The following ZNF331 variants were observed in gnomAD, a reference collection of about 807,000 sequenced individuals.
ZNF331 encodes the protein zinc finger protein 331.
In ZNF331, 2 loss-of-function variants were observed where a neutral mutation model predicts 7.0. That is an observed-to-expected ratio of 0.29 (90% CI 0.12 to 0.90). ZNF331 has a LOEUF of 0.90. ZNF331 is among the 40% of genes least tolerant of loss of function. The pLI, the probability that ZNF331 is intolerant of heterozygous loss-of-function variation, is 0.58. For synonymous variants in ZNF331, 196 were observed against 205.4 expected, an observed-to-expected ratio of 0.95 and a Z score of 0.39; for missense variants, 432 against 587.7, an observed-to-expected ratio of 0.74 and a Z score of 2.74.
At chr19:53,509,779 C>T in the ZNF331 span, among the ~76,000 whole-genome samples, 3 of 152,064 alleles carry the variant, frequency 2.0e-5, no homozygotes, top group Non-Finnish European at 2.9e-5. Context: ...TCTGTTTTCC[C>T]CTAGCTACAA....
At chr19:53,570,050 G>T (rs2090361385) in intron 4 of ZNF331, among the ~76,000 whole-genome samples, 1 of 152,116 alleles carries the variant, frequency 6.6e-6, no homozygotes, top group African/African-American at 2.4e-5. Context: ...GTGGTCAGGA[G>T]TTCAAAACCA....
the ZNF331 span, among the ~76,000 whole-genome samples, chr19:53,504,956 T>C: frequency 6.6e-6 from 1 of 152,148 alleles, no homozygotes; most frequent in Non-Finnish European, 1.5e-5. Context: ...AATGGGGCTG[T>C]TGTGTGAGAG....
intron 3 of ZNF331, among the ~76,000 whole-genome samples, chr19:53,564,215 C>A (rs962134063): frequency 4.0e-5 from 6 of 151,678 alleles, no homozygotes; most frequent in Non-Finnish European, 8.8e-5. Flanking sequence ...GCCAGTTCAT[C>A]CAAGCCTGTG....
At chr19:53,566,039 A>G (rs2090138041) in intron 3 of ZNF331, among the ~76,000 whole-genome samples, 1 of 152,074 alleles carries the variant, frequency 6.6e-6, no homozygotes, top group African/African-American at 2.4e-5. Flanking sequence ...GTTTCTCTAG[A>G]TGGACTCAAC....
chr19:53,544,390 A>AG (rs1409350401), intron 2 of ZNF331, among the ~76,000 whole-genome samples: 1 of 138,834 alleles, frequency 7.2e-6, no homozygotes, highest in Non-Finnish European at 1.6e-5. Flanking sequence ...CTAAAAATAC[A>AG]AAAAATTAGC....
chr19:53,527,664 G>A (rs2708760), intron 2 of ZNF331, among the ~76,000 whole-genome samples: 52,303 of 151,886 alleles, frequency 0.34, 9,706 homozygotes, highest in African/African-American at 0.49. Flanking sequence ...TGATCATGTA[G>A]ATGAGTTAAA....
At position 53,560,846 on chromosome 19, in the gene ZNF331, T is replaced by G. The variant is rs2089842133; in HGVS notation, c.-74+4938T>G. ...TTGCTTCTATAACTCAAGAGAATCT[T>G]CCGTATGTTAGAGGCAGCCGATTAG... On this transcript the variant is annotated intron_variant, in intron 3 of 5. Transcript: ENST00000449416. This position sits in a 1 kb window ranked among gnomAD's most constrained non-coding sequence, Gnocchi z 4.3. Among the ~76,000 whole-genome samples the G allele has an allele frequency of 6.6e-6, 1 of 152,176 alleles. No individual in the cohort carries two copies.
In ZNF331 at chr19:53,571,711, C is replaced by T. The variant is rs1163811254; in HGVS notation, c.117C>T (p.Tyr39=). 3 of 1,613,180 alleles carry T rather than the reference C, an allele frequency of 1.9e-6. No homozygotes were observed. Among genetic ancestry groups the T allele is most frequent in the Non-Finnish European group, 2.5e-6 (3 of 1,179,596 alleles). ...ACTGGGACGTGATGCTGGAGAACTA[C>T]AGTAACTTGGTCTCACTGGGTGAGT... ...DLYWDVMLEN[Y]SNLVSLDLES... is the part of the protein sequence containing the mutation. Residue 39 remains tyrosine (Y), a synonymous_variant, in exon 5 of 6, where the codon TAC becomes TAT. Transcript: ENST00000449416. This position sits in a 1 kb window ranked among gnomAD's most constrained non-coding sequence, Gnocchi z 4.7.
chr19:53,538,634 C>T (rs1298975420), intron 1 of ZNF331: 2 of 153,478 alleles, frequency 1.3e-5, no homozygotes, highest in Non-Finnish European at 2.9e-5. Context: ...AGATGTGTCT[C>T]AGGACAGAGT....
upstream of ZNF331, among the ~76,000 whole-genome samples, chr19:53,515,159 A>G (rs377045506): frequency 3.9e-5 from 6 of 152,248 alleles, no homozygotes; most frequent in African/African-American, 1.4e-4. Flanking sequence ...TTCTGATTAC[A>G]CTAGAAATTT....
chr19:53,531,930 A>T (rs1209316536), intron 2 of ZNF331, among the ~76,000 whole-genome samples: 1 of 151,888 alleles, frequency 6.6e-6, no homozygotes, highest in African/African-American at 2.4e-5. Flanking sequence ...CTTTTTATTT[A>T]TTTATTCGGA....
intron 3 of ZNF331, among the ~76,000 whole-genome samples, chr19:53,559,459 TAC>T (rs2089685331): frequency 6.7e-6 from 1 of 148,776 alleles, no homozygotes; most frequent in Non-Finnish European, 1.5e-5. Flanking sequence ...CACACATATA[TAC>T]ACACCATACA....
chr19:53,536,816 C>T (rs148795034), upstream of ZNF331, among the ~76,000 whole-genome samples: 11,041 of 152,200 alleles, frequency 0.073, 533 homozygotes, highest in Non-Finnish European at 0.11. Flanking sequence ...CGCAGGAGAA[C>T]CCCTTGAACC....
At chr19:53,534,270 A>G (rs1450669849), upstream of ZNF331, among the ~76,000 whole-genome samples, 1 of 151,570 alleles carries the variant, frequency 6.6e-6, no homozygotes, top group Non-Finnish European at 1.5e-5. Context: ...GAGGCTGCCC[A>G]GATTAGCTCA....
In ZNF331 at chr19:53,549,131, G is replaced by A. The variant is rs2088816808; in HGVS notation, c.-137-6714G>A. ...CATTTTTCTCTATGAAGTAAAATAAGGGTCCAGTTGCATTCTTCTGCATGC... is the reference window on the plus strand; with the variant it reads ...CATTTTTCTCTATGAAGTAAAATAAAGGTCCAGTTGCATTCTTCTGCATGC... On this transcript the variant is annotated intron_variant, in intron 2 of 5. Coordinates refer to ENST00000449416, the MANE Select transcript of ZNF331 (RefSeq NM_001079906.2). 2.6e-5 allele frequency among the ~76,000 whole-genome samples: 4 copies of A among 152,248 alleles called. No individual in the cohort carries two copies. The South Asian group carries it at 8.3e-4, about 32-fold the overall frequency.
At chr19:53,531,124 C>T (rs2087521751) in intron 2 of ZNF331, among the ~76,000 whole-genome samples, 1 of 152,162 alleles carries the variant, frequency 6.6e-6, no homozygotes, top group Non-Finnish European at 1.5e-5. Context: ...CCTCTTTCCC[C>T]TAAACCAACA....
At chr19:53,505,982 C>CA in the ZNF331 span, among the ~76,000 whole-genome samples, 3 of 151,052 alleles carry the variant, frequency 2.0e-5, no homozygotes, top group East Asian at 3.9e-4. Context: ...GACTCCATCT[C>CA]AAAAAAAGAA....
In ZNF331 at chr19:53,571,667, T is replaced by G. The variant is rs2090451213; in HGVS notation, c.73T>G (p.Ser25Ala). 6.2e-7 allele frequency: 1 copy of G among 1,614,018 alleles called. No individual in the cohort carries two copies. Among genetic ancestry groups the G allele is most frequent in the African/African-American group, 1.3e-5 (1 of 74,908 alleles). The change falls in exon 5 of 6, where the codon TCT becomes GCT. Residue 25 changes from serine (S) to alanine (A), a missense_variant. By Grantham distance (99) the Ser-to-Ala change is moderately conservative (BLOSUM62 1). Transcript: ENST00000449416. This position sits in a 1 kb window ranked among gnomAD's most constrained non-coding sequence, Gnocchi z 4.7. The stretch of plus-strand genomic sequence containing the variant: ...TCAGGAGGAGTGGGCCTGTCTGAAC[T>G]CTGCTCAGAGGGACCTGTACTGGGA... ...FSQEEWACLN[S>A]AQRDLYWDVM...
At chr19:53,559,351 CCATA>C in intron 3 of ZNF331, among the ~76,000 whole-genome samples, 1 of 150,616 alleles carries the variant, frequency 6.6e-6, no homozygotes, top group South Asian at 2.1e-4. Context: ...CATATACACA[CCATA>C]CACACATATA....
Sources: gnomAD v4.1 joint callset for allele counts (sites outside exome capture counted in the v4.1 genomes callset) on GRCh38, gnomAD v4.1.1 for gene constraint, Gnocchi (gnomAD v3.1) non-coding constraint, MANE v1.5 for transcripts, NCBI Gene and HGNC (gene_info 2026-07-23, HGNC 2026-07-21) for gene names.